GPAT3: variants seen among roughly 807,000 people sequenced by gnomAD.
GPAT3 encodes 1-AGP acyltransferase 9.
Under a neutral mutation model 58.8 loss-of-function variants are expected in GPAT3, and 53 were observed. The observed-to-expected ratio is 0.90, with a 90% confidence interval of 0.72 to 1.13. The LOEUF (loss-of-function observed/expected upper bound fraction) is 1.13, where lower values mean the gene tolerates loss of function less well. GPAT3 is among the 50% of genes most tolerant of loss of function. GPAT3 has a pLI of 0.00. For synonymous variants in GPAT3, 197 were observed against 187.4 expected (o/e 1.05, Z -0.42); for missense variants, 511 against 527.6 (o/e 0.97, Z 0.31).
intron 6 of GPAT3, among the ~76,000 whole-genome samples, chr4:83,591,146 T>C (rs750818169): frequency 2.0e-5 from 3 of 152,094 alleles, no homozygotes; most frequent in Admixed American, 6.5e-5. Context: ...GTTCCAGGGA[T>C]TGACAGCCAT....
intron 2 of GPAT3, among the ~76,000 whole-genome samples, chr4:83,559,006 A>G (rs1725036079): frequency 6.6e-6 from 1 of 152,252 alleles, no homozygotes; most frequent in African/African-American, 2.4e-5. Context: ...TTAAATGGAA[A>G]TAAAAGAATT....
intron 2 of GPAT3, among the ~76,000 whole-genome samples, chr4:83,553,608 A>T (rs1182140137): frequency 6.6e-6 from 1 of 151,922 alleles, no homozygotes; most frequent in Non-Finnish European, 1.5e-5. Context: ...AGATTCAAAG[A>T]TTATTTGAGG....
chr4:83,586,869 A>C (rs1726393171), intron 3 of GPAT3, among the ~76,000 whole-genome samples: 1 of 152,250 alleles, frequency 6.6e-6, no homozygotes, highest in South Asian at 2.1e-4. Context: ...TCTTATTATG[A>C]AAGCACCTTT....
chr4:83,561,359 G>A (rs1725119203), intron 2 of GPAT3, among the ~76,000 whole-genome samples: 1 of 151,990 alleles, frequency 6.6e-6, no homozygotes, highest in Non-Finnish European at 1.5e-5. Flanking sequence ...ATCTTTGCAA[G>A]GTGTTAAGTC....
At chr4:83,546,517 A>C (rs950101208) in intron 2 of GPAT3, among the ~76,000 whole-genome samples, 2 of 151,824 alleles carry the variant, frequency 1.3e-5, no homozygotes, top group Non-Finnish European at 2.9e-5. Context: ...TGGTGTCTCC[A>C]GGAAAGAATG....
At chr4:83,579,930 T>C (rs1726044802) in intron 2 of GPAT3, among the ~76,000 whole-genome samples, 1 of 152,206 alleles carries the variant, frequency 6.6e-6, no homozygotes, top group Non-Finnish European at 1.5e-5. Flanking sequence ...ATTGATTTCC[T>C]AGTAAACTGG....
chr4:83,584,519 A>G (rs952178130), intron 3 of GPAT3, among the ~76,000 whole-genome samples: 1 of 152,088 alleles, frequency 6.6e-6, no homozygotes, highest in Non-Finnish European at 1.5e-5. Context: ...ACTTTATTTT[A>G]TTTATTTATT....
intron 7 of GPAT3, 103 bp downstream of exon 7, chr4:83,595,063 A>T: frequency 1.1e-6 from 1 of 938,294 alleles, no homozygotes; most frequent in Non-Finnish European, 1.6e-6. Context: ...CTCAAAACTG[A>T]AACAGAGCCC....
intron 2 of GPAT3, among the ~76,000 whole-genome samples, chr4:83,552,942 G>A (rs1437693163): frequency 6.6e-6 from 1 of 152,146 alleles, no homozygotes; most frequent in Non-Finnish European, 1.5e-5. Context: ...GACACAGTGA[G>A]AAGATAGCCA....
rs117670228 is a variant in GPAT3 at position 83,571,768 on chromosome 4, A to G, written c.209-9794A>G. On this transcript the variant is annotated intron_variant, in intron 2 of 11. Transcript: ENST00000264409. The stretch of plus-strand genomic sequence containing the variant: ...TATATATATATGTGTATATACACAT[A>G]TATAGTTTTGTTGTTGTTGTTTGAG... Among the ~76,000 whole-genome samples the G allele has an allele frequency of 5.6e-3, 853 of 151,232 alleles. 25 individuals carry two copies. The highest frequency in any genetic ancestry group is 0.034 in the East Asian group (177 of 5,134).
At chr4:83,568,559 G>A (rs974792114) in intron 2 of GPAT3, among the ~76,000 whole-genome samples, 4 of 151,258 alleles carry the variant, frequency 2.6e-5, no homozygotes, top group Non-Finnish European at 5.9e-5. Flanking sequence ...CCAGGCTGGA[G>A]TGCTGTGGCG....
intron 6 of GPAT3, among the ~76,000 whole-genome samples, chr4:83,590,885 C>CTTT (rs5859882): frequency 4.4e-5 from 5 of 114,296 alleles, no homozygotes; most frequent in Non-Finnish European, 7.2e-5. Flanking sequence ...GAATCATATT[C>CTTT]TTTTTTTTTT....
chr4:83,579,920 A>G (rs1311621683), intron 2 of GPAT3, among the ~76,000 whole-genome samples: 1 of 152,192 alleles, frequency 6.6e-6, no homozygotes, highest in African/African-American at 2.4e-5. Flanking sequence ...CATTTTCCTC[A>G]TTGATTTCCT....
At chr4:83,558,213 T>TA (rs1303582348) in intron 2 of GPAT3, among the ~76,000 whole-genome samples, 121 of 146,034 alleles carry the variant, frequency 8.3e-4, no homozygotes, top group African/African-American at 1.9e-3. Context: ...GCCTCTGTCT[T>TA]AAAAAAAAAA....
intron 2 of GPAT3, among the ~76,000 whole-genome samples, chr4:83,571,215 G>A (rs1725592942): frequency 2.0e-5 from 3 of 152,116 alleles, no homozygotes; most frequent in South Asian, 4.2e-4. Context: ...TTATAATGTC[G>A]ATTGATAATT....
At chr4:83,594,448 C>T (rs1477818362) in intron 6 of GPAT3, among the ~76,000 whole-genome samples, 1 of 152,178 alleles carries the variant, frequency 6.6e-6, no homozygotes, top group Non-Finnish European at 1.5e-5. Flanking sequence ...TTGTAATCTG[C>T]TCCCTTCCAC....
At chr4:83,569,770 A>G (rs908257089) in intron 2 of GPAT3, among the ~76,000 whole-genome samples, 17 of 152,130 alleles carry the variant, frequency 1.1e-4, no homozygotes, top group African/African-American at 3.9e-4. Flanking sequence ...TTATTGTAGG[A>G]TGGCCCAGAG....
Position 83,536,730 on chromosome 4 carries a change from G to A in GPAT3, c.108G>A (p.Glu36=). The stretch of plus-strand genomic sequence containing the variant: ...TCGGAGTGTCTCTGGGCATCTCCGA[G>A]ATCTACATGAAGATCCTAGTGAAAA... The part of the protein sequence containing the change: ...SVFGVSLGIS[E]IYMKILVKTL... The change falls in exon 1 of 12, where the codon GAG becomes GAA. Residue 36 remains glutamate (E), a synonymous_variant. Coordinates refer to ENST00000264409, the MANE Select transcript of GPAT3 (RefSeq NM_032717.5). The A allele has an allele frequency of 1.2e-6, 2 of 1,613,250 alleles. No individual in the cohort carries two copies. The highest frequency in any genetic ancestry group is 1.7e-6 in the Non-Finnish European group (2 of 1,179,890).
intron 2 of GPAT3, among the ~76,000 whole-genome samples, chr4:83,547,378 G>T (rs573935640): frequency 6.7e-6 from 1 of 148,374 alleles, no homozygotes; most frequent in Non-Finnish European, 1.5e-5. Flanking sequence ...TCAGCCTCCC[G>T]AGTAGCTGGG....
Sources: allele counts gnomAD v4.1 joint callset (sites outside exome capture counted in the v4.1 genomes callset), GRCh38; gene constraint gnomAD v4.1.1; transcripts MANE v1.5; gene names NCBI Gene and HGNC (gene_info 2026-07-23, HGNC 2026-07-21).